Variants in SENP7 observed in about 807,000 individuals in gnomAD.
SENP7 encodes sentrin-specific protease 7.
In SENP7, 64 loss-of-function variants were observed where a neutral mutation model predicts 141.2. The observed-to-expected ratio is 0.45, with a 90% CI of 0.37 to 0.56. SENP7 has a LOEUF of 0.56. SENP7 is among the 20% of genes least tolerant of loss of function. The probability of loss-of-function intolerance (pLI) is 0.00; values close to 1 mark genes in which losing one functional copy is unlikely to be tolerated. For missense variants in SENP7, 1,025 were observed against 1,212.2 expected, an observed-to-expected ratio of 0.85 and a Z score of 2.29; for synonymous variants, 382 against 426.4, an observed-to-expected ratio of 0.90 and a Z score of 1.28.
chr3:101,501,077 A>G lies in SENP7; in HGVS notation c.83T>C (p.Leu28Ser), dbSNP rs373951975. Residue 28 changes from leucine to serine, a missense_variant, in exon 2 of 24, where the codon TTA becomes TCA. Physicochemically the swap from Leu to Ser is moderately radical, Grantham distance 145. Coordinates refer to ENST00000394095, the MANE Select transcript of SENP7 (RefSeq NM_020654.5). The stretch of plus-strand genomic sequence containing the variant: ...AGCAAAACAAATGCATACCTCCGAT[A>G]AATCAGAAGATGACTTTTTCCTTTT... Reference protein sequence around the residue: ...EGKRKKSSSDLSEIRKMLNAK... With the variant: ...EGKRKKSSSDSSEIRKMLNAK... The G allele has an allele frequency of 3.7e-5, 60 of 1,604,560 alleles. No individual in the cohort carries two copies. In the African/African-American group the frequency reaches 7.1e-4, roughly 19 times the overall value.
At position 101,387,502 on chromosome 3, in the gene SENP7, C is replaced by T. The variant is rs375133338; in HGVS notation, c.677+11359G>A. On this transcript the variant is annotated intron_variant, in intron 6 of 23. Transcript: ENST00000394095. ...TGACTAGAGACCTGCCCCCTCACAA[C>T]TTCTGCTGGCGGCACCCACACACAT... Among the ~76,000 whole-genome samples, 16 of 152,286 alleles carry T rather than the reference C, an allele frequency of 1.1e-4. No homozygotes were observed. The East Asian group carries it at 3.1e-3, about 29-fold the overall frequency.
intron 4 of SENP7, among the ~76,000 whole-genome samples, chr3:101,453,652 TG>T (rs2063237837): frequency 6.7e-6 from 1 of 149,290 alleles, no homozygotes; most frequent in Non-Finnish European, 1.5e-5. Context: ...CACTCATAGG[TG>T]GGAATTGAAC....
chr3:101,457,512 T>A, intron 4 of SENP7: 1 of 1,609,574 alleles, frequency 6.2e-7, no homozygotes, highest in Non-Finnish European at 8.5e-7. Context: ...GTTGTTAAAG[T>A]GGATCACTGT....
At chr3:101,486,712 C>A (rs1337475522) in intron 3 of SENP7, among the ~76,000 whole-genome samples, 1 of 152,022 alleles carries the variant, frequency 6.6e-6, no homozygotes, top group Non-Finnish European at 1.5e-5. Flanking sequence ...AAAGCAAAAA[C>A]AAAAAACCCA....
chr3:101,469,596 G>A lies in SENP7; in HGVS notation c.187-10544C>T, dbSNP rs560756639. On this transcript the variant is annotated intron_variant, in intron 3 of 23. Transcript: ENST00000394095. ...TCCCAGCACTTTGGGAGGCCGAGGC[G>A]GGTGGATCATGAGGTCAGGAGATCG... is the stretch of plus-strand genomic sequence containing the variant. 3.5e-3 allele frequency among the ~76,000 whole-genome samples: 407 copies of A among 115,260 alleles called. 84 individuals are homozygous for A. The highest frequency in any genetic ancestry group is 0.011 in the African/African-American group (377 of 33,458). The allele number at this position is 115,260 out of a possible 152,430, so 75.6% of individuals were successfully genotyped here.
intron 4 of SENP7, among the ~76,000 whole-genome samples, chr3:101,446,505 C>A (rs2062902016): frequency 6.6e-6 from 1 of 152,234 alleles, no homozygotes; most frequent in South Asian, 2.1e-4. Flanking sequence ...CAGGGCAGAT[C>A]CTATGAAAGG....
Position 101,340,322 on chromosome 3 carries a change from T to C in SENP7, c.2241-111A>G. The C allele has an allele frequency of 2.3e-6, 3 of 1,320,808 alleles. No individual in the cohort carries two copies. In the Admixed American group the frequency reaches 9.9e-5, roughly 44 times the overall value. 81.8% of individuals were successfully genotyped at this position (1,320,808 alleles called of 1,614,324 possible). ...AGTGGTATTCTGTAACTCAAATCTG[T>C]AGGGTAAAAAACATTTGACCAGGCA... is the stretch of plus-strand genomic sequence containing the variant. On this transcript the variant is annotated intron_variant, in intron 15 of 23. Transcript: ENST00000394095.
rs2060398780 is a variant in SENP7 at position 101,378,415 on chromosome 3, G to A, written c.678-6289C>T. Among the ~76,000 whole-genome samples the A allele has an allele frequency of 1.3e-5, 2 of 152,006 alleles. 1 individual carries two copies. Among genetic ancestry groups the A allele is most frequent in the South Asian group, 4.1e-4 (2 of 4,828 alleles). On this transcript the variant is annotated intron_variant, in intron 6 of 23. Transcript: ENST00000394095. The stretch of plus-strand genomic sequence containing the variant: ...AAACACTGTAACAGAAATGAACAAT[G>A]CCTTGGATGGGCTCACTAGTAGACA...
intron 2 of SENP7, 108 bp downstream of exon 2, chr3:101,500,962 A>T (rs2065353896): frequency 1.3e-6 from 1 of 770,534 alleles, no homozygotes; most frequent in Non-Finnish European, 2.1e-6. Context: ...ACACTGACTA[A>T]AGTTTTATAC....
intron 3 of SENP7, among the ~76,000 whole-genome samples, chr3:101,463,593 T>C (rs1279394246): frequency 2.6e-5 from 4 of 151,288 alleles, no homozygotes; most frequent in Admixed American, 2.0e-4. Context: ...AAGAATGACA[T>C]TGGTGAACTC....
At chr3:101,383,125 G>A (rs907334632) in intron 6 of SENP7, among the ~76,000 whole-genome samples, 5 of 152,200 alleles carry the variant, frequency 3.3e-5, no homozygotes, top group Admixed American at 6.5e-5. Flanking sequence ...CCTGGTGAGA[G>A]GTGTTTAGGT....
In SENP7 at chr3:101,325,926, A is replaced by C. The variant is rs1191836493; in HGVS notation, c.*17T>G. The C allele has an allele frequency of 6.4e-7, 1 of 1,574,522 alleles. No homozygotes were observed. Among genetic ancestry groups the C allele is most frequent in the Non-Finnish European group, 8.6e-7 (1 of 1,162,390 alleles). On this transcript the variant is annotated 3_prime_UTR_variant, in exon 24 of 24. Coordinates refer to ENST00000394095, the MANE Select transcript of SENP7 (RefSeq NM_020654.5). ...AGTAATCTTAGAGAACATCTGTGTC[A>C]TGTTTGTACAGATTAACTAGCTACT...
At chr3:101,442,796 G>C (rs2062730216) in intron 4 of SENP7, among the ~76,000 whole-genome samples, 1 of 151,132 alleles carries the variant, frequency 6.6e-6, no homozygotes, top group Non-Finnish European at 1.5e-5. Context: ...CTAAGCAGAA[G>C]AAAAAAATTC....
intron 9 of SENP7, among the ~76,000 whole-genome samples, chr3:101,365,380 A>C (rs2060008870): frequency 6.6e-6 from 1 of 151,690 alleles, no homozygotes; most frequent in Admixed American, 6.6e-5. Flanking sequence ...TCACTCCTGT[A>C]ATCCCAGCAC....
chr3:101,479,494 T>C (rs2064357706), intron 3 of SENP7, among the ~76,000 whole-genome samples: 1 of 151,926 alleles, frequency 6.6e-6, no homozygotes, highest in Non-Finnish European at 1.5e-5. Context: ...TAGTCCCAGC[T>C]ACTTGAGAGG....
intron 4 of SENP7, among the ~76,000 whole-genome samples, chr3:101,433,629 G>C (rs1156545243): frequency 6.6e-6 from 1 of 152,068 alleles, no homozygotes; most frequent in East Asian, 1.9e-4. Flanking sequence ...ATACTTCTAT[G>C]AGACAAAACA....
At chr3:101,439,305 C>T (rs1273993754) in intron 4 of SENP7, among the ~76,000 whole-genome samples, 4 of 93,588 alleles carry the variant, frequency 4.3e-5, no homozygotes, top group African/African-American at 1.2e-4. Context: ...GCAACCACCC[C>T]GTCTGAGAAG....
chr3:101,347,354 G>C (rs1049119894), intron 13 of SENP7: 4 of 152,034 alleles, frequency 2.6e-5, no homozygotes, highest in African/African-American at 9.7e-5. Context: ...TTTTATTTTA[G>C]ATGAGAATTT....
At chr3:101,449,882 T>C (rs1475659080) in intron 4 of SENP7, among the ~76,000 whole-genome samples, 1 of 152,190 alleles carries the variant, frequency 6.6e-6, no homozygotes, top group African/African-American at 2.4e-5. Context: ...ACCTTAAATG[T>C]AAATGGGCTA....
Sources: allele counts gnomAD v4.1 joint callset (sites outside exome capture counted in the v4.1 genomes callset), GRCh38; gene constraint gnomAD v4.1.1; transcripts MANE v1.5; gene names NCBI Gene and HGNC (gene_info 2026-07-23, HGNC 2026-07-21).